Variants in IL1RAPL2 observed in about 807,000 individuals in gnomAD.
IL1RAPL2 encodes X-linked interleukin-1 receptor accessory protein-like 2.
Under a neutral mutation model 44.1 loss-of-function variants are expected in IL1RAPL2, and 3 were observed. The observed-to-expected ratio is 0.07, with a 90% CI of 0.03 to 0.18. The LOEUF is 0.18. Among genes scored for constraint, IL1RAPL2 ranks in the 10% least tolerant of loss-of-function variants. IL1RAPL2 has a pLI of 1.00. For synonymous variants in IL1RAPL2, 181 were observed against 178.8 expected (o/e 1.01, Z -0.10); for missense variants, 391 against 496.4 (o/e 0.79, Z 2.02).
intron 2 of IL1RAPL2, among the ~76,000 whole-genome samples, chrX:105,030,277 T>A (rs1297429664): frequency 9.0e-6 from 1 of 111,283 alleles, no homozygotes; most frequent in African/African-American, 3.3e-5. Context: ...ATTTTGGCTT[T>A]TGTTGCCATT....
rs999537000 is a variant in IL1RAPL2 at position 104,648,635 on chromosome X, A to C, written c.-19-10260A>C. Among the ~76,000 whole-genome samples the C allele has an allele frequency of 8.1e-5, 9 of 111,633 alleles. No homozygotes were observed. The Admixed American group carries it at 8.5e-4, about 11-fold the overall frequency. ...GTGTGATTGAAGACTTTTTGTCTAA[A>C]CTGCTTGTAACACCTTATACCTACT... On this transcript the variant is annotated intron_variant, in intron 1 of 10. Transcript: ENST00000372582.
At chrX:105,595,445 A>T (rs2037201183) in intron 6 of IL1RAPL2, among the ~76,000 whole-genome samples, 1 of 111,831 alleles carries the variant, frequency 8.9e-6, no homozygotes, top group Admixed American at 9.5e-5. Context: ...AGCCCTTCCC[A>T]AATTTTTGCC....
chrX:105,743,638 G>A (rs2038517759), intron 8 of IL1RAPL2, among the ~76,000 whole-genome samples: 1 of 110,821 alleles, frequency 9.0e-6, no homozygotes, highest in Non-Finnish European at 1.9e-5. Flanking sequence ...TTACATATTT[G>A]TTTGCTTCTT....
chrX:104,882,497 G>A (rs1923097629), intron 2 of IL1RAPL2, among the ~76,000 whole-genome samples: 1 of 111,586 alleles, frequency 9.0e-6, no homozygotes, highest in Non-Finnish European at 1.9e-5. Flanking sequence ...GTCGGGTGGG[G>A]ACTTGGAGAA....
intron 2 of IL1RAPL2, among the ~76,000 whole-genome samples, chrX:105,168,182 A>G (rs1248466039): frequency 9.8e-5 from 11 of 112,203 alleles, no homozygotes; most frequent in Non-Finnish European, 2.1e-4. Context: ...TGGGATGGCC[A>G]GCCACATTGG....
chrX:105,238,909 G>A (rs1556204835), intron 4 of IL1RAPL2, among the ~76,000 whole-genome samples: 1 of 111,361 alleles, frequency 9.0e-6, no homozygotes, highest in African/African-American at 3.3e-5. Flanking sequence ...TGCCATTCTT[G>A]AGATGGCTGA....
At position 104,911,525 on chromosome X, in the gene IL1RAPL2, A is replaced by G. The variant is rs752164727; in HGVS notation, c.82+252530A>G. Among the ~76,000 whole-genome samples the G allele has an allele frequency of 7.8e-4, 87 of 111,585 alleles. 1 individual carries two copies. The highest frequency in any genetic ancestry group is 2.7e-3 in the African/African-American group (83 of 30,715). ...TCTTAAACATATCTCAAATCTGTTCAATCTTCTTTGTCTTCACTACCACCA... is the reference window on the plus strand; with the variant it reads ...TCTTAAACATATCTCAAATCTGTTCGATCTTCTTTGTCTTCACTACCACCA... On this transcript the variant is annotated intron_variant, in intron 2 of 10. Transcript: ENST00000372582.
chrX:105,548,645 G>C (rs2036826711), intron 6 of IL1RAPL2, among the ~76,000 whole-genome samples: 1 of 111,497 alleles, frequency 9.0e-6, no homozygotes, highest in African/African-American at 3.3e-5. Context: ...AGCAGTATAG[G>C]ATGTAGCTAA....
intron 6 of IL1RAPL2, among the ~76,000 whole-genome samples, chrX:105,679,026 CTTT>C (rs745850163): frequency 6.3e-5 from 6 of 94,912 alleles, no homozygotes; most frequent in Admixed American, 1.2e-4. Context: ...AAAAGTTTCT[CTTT>C]TTTTTTTTTT....
chrX:104,689,417 G>A (rs1346411856), intron 2 of IL1RAPL2, among the ~76,000 whole-genome samples: 2 of 111,590 alleles, frequency 1.8e-5, no homozygotes, highest in South Asian at 3.8e-4. Context: ...ACAGTGTACA[G>A]CCCAGAAGGT....
chrX:105,380,010 T>C (rs1322087067), intron 5 of IL1RAPL2, among the ~76,000 whole-genome samples: 1 of 111,889 alleles, frequency 8.9e-6, no homozygotes, highest in Admixed American at 9.5e-5. Flanking sequence ...CTATGAGTTA[T>C]TTTCAATATT....
At chrX:105,520,078 C>A (rs2036544511) in intron 6 of IL1RAPL2, among the ~76,000 whole-genome samples, 1 of 111,782 alleles carries the variant, frequency 8.9e-6, no homozygotes, top group African/African-American at 3.3e-5. Flanking sequence ...ACTAGTCTGA[C>A]AAGGCTCTTT....
intron 6 of IL1RAPL2, among the ~76,000 whole-genome samples, chrX:105,701,022 T>A (rs1050003900): frequency 2.7e-5 from 3 of 111,242 alleles, no homozygotes; most frequent in African/African-American, 6.5e-5. Flanking sequence ...CCTATCTCCC[T>A]TTGGGACTTC....
chrX:104,868,950 G>A (rs1250665021), intron 2 of IL1RAPL2, among the ~76,000 whole-genome samples: 1 of 111,299 alleles, frequency 9.0e-6, no homozygotes, highest in African/African-American at 3.3e-5. Flanking sequence ...TTGAATAATC[G>A]TTTCTTTTTT....
chrX:104,718,210 C>A (rs1039883134), intron 2 of IL1RAPL2, among the ~76,000 whole-genome samples: 1 of 111,044 alleles, frequency 9.0e-6, no homozygotes, highest in East Asian at 2.9e-4. Context: ...AACTAGTTTA[C>A]AGTCCCACCA....
chrX:105,763,725 C>G (rs916664424), intron 10 of IL1RAPL2, among the ~76,000 whole-genome samples: 9 of 111,001 alleles, frequency 8.1e-5, no homozygotes, highest in Non-Finnish European at 1.7e-4. Context: ...GTCTCGCCTT[C>G]TTTTCCTAAG....
chrX:105,739,842 A>G (rs747932630), intron 7 of IL1RAPL2, among the ~76,000 whole-genome samples: 10 of 100,391 alleles, frequency 1.0e-4, no homozygotes, highest in Non-Finnish European at 1.8e-4. Flanking sequence ...AGCATGATTT[A>G]TAGTCCTTTG....
chrX:104,847,528 G>C (rs958507673), intron 2 of IL1RAPL2, among the ~76,000 whole-genome samples: 17 of 110,820 alleles, frequency 1.5e-4, no homozygotes, highest in African/African-American at 4.6e-4. Context: ...TTTCTGAGGG[G>C]TCTGTTCTGT....
rs371888099 is a variant in IL1RAPL2 at position 104,619,400 on chromosome X, C to T, written c.-19-39495C>T. Among the ~76,000 whole-genome samples, 68 of 112,046 alleles carry T rather than the reference C, an allele frequency of 6.1e-4. 1 individual carries two copies. In the South Asian group the frequency reaches 0.025, roughly 42 times the overall value. Reference sequence around the variant, plus strand: ...AAGTGTTCTCCCTTGGTCTTGGTTGCTCAGATTCCCAGTGGAAAGGTAAGT... The same window carrying T: ...AAGTGTTCTCCCTTGGTCTTGGTTGTTCAGATTCCCAGTGGAAAGGTAAGT... On this transcript the variant is annotated intron_variant, in intron 1 of 10. Transcript: ENST00000372582.
Sources: gnomAD v4.1 joint callset for allele counts (sites outside exome capture counted in the v4.1 genomes callset) on GRCh38, gnomAD v4.1.1 for gene constraint, MANE v1.5 for transcripts, NCBI Gene and HGNC (gene_info 2026-07-23, HGNC 2026-07-21) for gene names.